Variants in SCUBE1 observed in about 807,000 individuals in gnomAD.
The protein encoded by SCUBE1 is signal peptide, CUB and EGF-like domain-containing protein 1.
In SCUBE1, 59 loss-of-function variants were observed where a neutral mutation model predicts 124.4. The observed-to-expected ratio is 0.47, with a 90% CI of 0.38 to 0.59. SCUBE1 has a LOEUF of 0.59. Among genes scored for constraint, SCUBE1 ranks in the 20% least tolerant of loss-of-function variants. The pLI is 0.00. For missense variants in SCUBE1, 1,150 were observed against 1,371.2 expected, an observed-to-expected ratio of 0.84 and a Z score of 2.55; for synonymous variants, 545 against 550.9, an observed-to-expected ratio of 0.99 and a Z score of 0.15.
rs368730863 is a variant in SCUBE1 at position 43,293,491 on chromosome 22, C to T, written c.350-2311G>A. ...TGCTCAGACCAATGCTGCGAAGAGC[C>T]GGCTGCTCCTCACACGAGCTGGAGT... On this transcript the variant is annotated intron_variant, in intron 3 of 21. Coordinates refer to ENST00000360835, the MANE Select transcript of SCUBE1 (RefSeq NM_173050.5). 3.9e-5 allele frequency among the ~76,000 whole-genome samples: 6 copies of T among 152,366 alleles called. No individual in the cohort carries two copies. The East Asian group carries it at 7.7e-4, about 20-fold the overall frequency.
intron 2 of SCUBE1, among the ~76,000 whole-genome samples, chr22:43,321,505 G>A (rs1926553682): frequency 6.6e-6 from 1 of 152,206 alleles, no homozygotes; most frequent in Non-Finnish European, 1.5e-5. Flanking sequence ...TGCCAGAGAT[G>A]CTGCAGAGCA....
In SCUBE1 at chr22:43,234,677, C is replaced by G. The variant is rs562813138; in HGVS notation, c.845-2802G>C. ...CAGCTTTTGCACCTCTCTGCCCTTC[C>G]GCTCCTTCCTGGGTTCCCACCCCAC... On this transcript the variant is annotated intron_variant, in intron 7 of 21. Coordinates refer to ENST00000360835, the MANE Select transcript of SCUBE1 (RefSeq NM_173050.5). This position sits in a 1 kb window ranked among gnomAD's most constrained non-coding sequence, Gnocchi z 4.4. Among the ~76,000 whole-genome samples the G allele has an allele frequency of 6.6e-6, 1 of 152,172 alleles. No homozygotes were observed. Among genetic ancestry groups the G allele is most frequent in the Non-Finnish European group, 1.5e-5 (1 of 68,018 alleles).
chr22:43,211,165 C>T lies in SCUBE1; in HGVS notation c.2222-82G>A. 1 of 1,420,080 alleles carries T rather than the reference C, an allele frequency of 7.0e-7. No individual in the cohort carries two copies. The highest frequency in any genetic ancestry group is 9.6e-7 in the Non-Finnish European group (1 of 1,037,436). The allele number at this position is 1,420,080 out of a possible 1,614,324, so 88.0% of individuals were successfully genotyped here. A position where few individuals can be genotyped will look rare whatever the true frequency, so the allele number is the denominator to read the frequency against. On this transcript the variant is annotated intron_variant, in intron 17 of 21. Coordinates refer to ENST00000360835, the MANE Select transcript of SCUBE1 (RefSeq NM_173050.5). This position sits in a 1 kb window ranked among gnomAD's most constrained non-coding sequence, Gnocchi z 4.5. ...CACTGGGGTGCTGTCCCCAGGACCT[C>T]TCATGCCCTCGAGGTCTGTTTTGGC...
intron 4 of SCUBE1, among the ~76,000 whole-genome samples, chr22:43,271,651 G>C (rs1480724771): frequency 1.3e-5 from 2 of 152,132 alleles, no homozygotes; most frequent in Non-Finnish European, 2.9e-5. Flanking sequence ...GTATCCCCCA[G>C]ATTACATTCT....
At chr22:43,219,617 G>GCA (rs1421724732) in intron 14 of SCUBE1, among the ~76,000 whole-genome samples, 4 of 152,012 alleles carry the variant, frequency 2.6e-5, no homozygotes, top group Admixed American at 1.3e-4. Flanking sequence ...GGGATTACAG[G>GCA]TGCCTGCCAC....
At chr22:43,238,430 C>T (rs1485534015) in intron 7 of SCUBE1, 3 of 493,440 alleles carry the variant, frequency 6.1e-6, no homozygotes, top group Non-Finnish European at 1.1e-5. Flanking sequence ...CTCTGCAAGA[C>T]CCACTGCAAC....
At position 43,202,170 on chromosome 22, in the gene SCUBE1, C is replaced by G. The variant is rs1275691343; in HGVS notation, c.*1827G>C. 1 of 152,234 alleles carries G rather than the reference C, an allele frequency of 6.6e-6. No homozygotes were observed. The highest frequency in any genetic ancestry group is 6.5e-5 in the Admixed American group (1 of 15,278). 9.4% of individuals were successfully genotyped at this position (152,234 alleles called of 1,614,324 possible). ...GACGGCGTGAGTAATTGCTGAGCTC[C>G]GGGCCCTCTTTTGGACTGTAGAATA... is the stretch of plus-strand genomic sequence containing the variant. On this transcript the variant is annotated 3_prime_UTR_variant, in exon 22 of 22. Transcript: ENST00000360835.
intron 16 of SCUBE1, 174 bp from the exon 17 acceptor site, chr22:43,212,766 T>C: frequency 4.6e-6 from 3 of 647,158 alleles, no homozygotes; most frequent in Non-Finnish European, 5.2e-6. Flanking sequence ...TGCAGGAAGC[T>C]GGGCCCTGGT....
intron 3 of SCUBE1, among the ~76,000 whole-genome samples, chr22:43,306,985 C>G (rs1467983086): frequency 6.6e-6 from 1 of 152,248 alleles, no homozygotes; most frequent in Non-Finnish European, 1.5e-5. Context: ...CTGCCACCGT[C>G]AAGTCGTTTG....
At chr22:43,316,760 C>T (rs181842707) in intron 3 of SCUBE1, 2 of 152,454 alleles carry the variant, frequency 1.3e-5, no homozygotes, top group South Asian at 2.1e-4. Flanking sequence ...CGCTTCTACC[C>T]CCACACTCAC....
chr22:43,299,315 G>A lies in SCUBE1; in HGVS notation c.350-8135C>T, dbSNP rs150092977. ...GCCTCAGGGAATCACGGGTACGAAC[G>A]TACTCCAGTGACAGCAAAGTCCCTT... is the stretch of plus-strand genomic sequence containing the variant. On this transcript the variant is annotated intron_variant, in intron 3 of 21. Coordinates refer to ENST00000360835, the MANE Select transcript of SCUBE1 (RefSeq NM_173050.5). 5.3e-5 allele frequency among the ~76,000 whole-genome samples: 8 copies of A among 152,204 alleles called. No homozygotes were observed. The East Asian group carries it at 1.4e-3, about 26-fold the overall frequency.
rs1029608834 is a variant in SCUBE1 at position 43,255,838 on chromosome 22, G to A, written c.727+2381C>T. On this transcript the variant is annotated intron_variant, in intron 6 of 21. Transcript: ENST00000360835. This position sits in a 1 kb window ranked among gnomAD's most constrained non-coding sequence, Gnocchi z 4.7. ...CCACAAAGTGACCTGGGACACAGAG[G>A]GGACTCAGGGCCCATGGGCAAGCAA... 2.0e-5 allele frequency among the ~76,000 whole-genome samples: 3 copies of A among 152,176 alleles called. No individual in the cohort carries two copies. Among genetic ancestry groups the A allele is most frequent in the African/African-American group, 4.8e-5 (2 of 41,436 alleles).
intron 10 of SCUBE1, among the ~76,000 whole-genome samples, chr22:43,226,322 C>A (rs985278862): frequency 1.3e-5 from 2 of 152,052 alleles, no homozygotes; most frequent in Non-Finnish European, 2.9e-5. Context: ...GCACAGGGGG[C>A]CCAGATGGGT....
At chr22:43,290,642 G>A (rs758930435) in intron 4 of SCUBE1, among the ~76,000 whole-genome samples, 2 of 152,196 alleles carry the variant, frequency 1.3e-5, no homozygotes, top group African/African-American at 2.4e-5. Context: ...GCAGGGAGTC[G>A]CTGGTGCTGC....
At chr22:43,218,494 G>C (rs1430607547) in intron 14 of SCUBE1, 36 bp from the exon 15 acceptor site, 1 of 1,596,864 alleles carries the variant, frequency 6.3e-7, no homozygotes, top group African/African-American at 1.3e-5. Flanking sequence ...TGAATCGCTG[G>C]CAACCTTGCT....
intron 3 of SCUBE1, among the ~76,000 whole-genome samples, chr22:43,310,641 C>T (rs1926137644): frequency 1.3e-5 from 2 of 152,216 alleles, no homozygotes; most frequent in Admixed American, 6.5e-5. Context: ...CCACAGAATT[C>T]ATGAGCAAAA....
chr22:43,258,882 C>T lies in SCUBE1; in HGVS notation c.611-547G>A, dbSNP rs541838650. ...CCAGGGGCCACCTCAAACTCTATCC[C>T]CTCAAAGCCCTAATCCTCCGGGAGC... is the stretch of plus-strand genomic sequence containing the variant. On this transcript the variant is annotated intron_variant, in intron 5 of 21. Transcript: ENST00000360835. The surrounding 1 kb of genome is among the most constrained non-coding windows in gnomAD (Gnocchi z 5.0). 6.6e-6 allele frequency among the ~76,000 whole-genome samples: 1 copy of T among 152,302 alleles called. No homozygotes were observed. The highest frequency in any genetic ancestry group is 1.9e-4 in the East Asian group (1 of 5,178).
intron 3 of SCUBE1, among the ~76,000 whole-genome samples, chr22:43,303,103 G>T (rs569454136): frequency 1.3e-5 from 2 of 152,328 alleles, no homozygotes; most frequent in South Asian, 4.1e-4. Flanking sequence ...CCATTTCCCA[G>T]CCTCGGTACC....
intron 3 of SCUBE1, among the ~76,000 whole-genome samples, chr22:43,307,999 C>T (rs992914789): frequency 6.6e-6 from 1 of 152,066 alleles, no homozygotes; most frequent in Non-Finnish European, 1.5e-5. Context: ...CCCACAGTCC[C>T]CCCACCCAAT....
Sources: allele counts gnomAD v4.1 joint callset (sites outside exome capture counted in the v4.1 genomes callset), GRCh38; gene constraint gnomAD v4.1.1; non-coding constraint Gnocchi (gnomAD v3.1); transcripts MANE v1.5; gene names NCBI Gene and HGNC (gene_info 2026-07-23, HGNC 2026-07-21).